Variants in CNOT1 observed in about 807,000 individuals in gnomAD.
CNOT1 encodes CCR4-NOT transcription complex subunit 1.
Under a neutral mutation model 273.8 loss-of-function variants are expected in CNOT1, and 15 were observed. That is an observed-to-expected ratio of 0.05 (90% confidence interval 0.04 to 0.08). The LOEUF (loss-of-function observed/expected upper bound fraction) is 0.08, where lower values mean the gene tolerates loss of function less well. Ranked by LOEUF, CNOT1 falls within the 10% of genes least tolerant of loss-of-function variation. The pLI, the probability that CNOT1 is intolerant of heterozygous loss-of-function variation, is 1.00. For synonymous variants in CNOT1, 1,022 were observed against 1,005.5 expected (o/e 1.02, Z -0.31); for missense variants, 1,644 against 2,912.2 (o/e 0.56, Z 10.02).
intron 1 of CNOT1, among the ~76,000 whole-genome samples, chr16:58,610,308 A>C (rs2042850120): frequency 6.6e-6 from 1 of 152,204 alleles, no homozygotes; most frequent in Non-Finnish European, 1.5e-5. Context: ...AATCCCAGCT[A>C]CTCAGAGAAT....
intron 30 of CNOT1, 43 bp from the exon 31 acceptor site, chr16:58,543,946 A>G (rs1008250864): frequency 1.8e-5 from 28 of 1,534,384 alleles, no homozygotes; most frequent in East Asian, 6.8e-5. Flanking sequence ...TGTTTAAATA[A>G]GACAATCCAA....
At chr16:58,536,819 A>G in intron 39 of CNOT1, 170 bp downstream of exon 39, 1 of 1,157,462 alleles carries the variant, frequency 8.6e-7, no homozygotes, top group Non-Finnish European at 1.2e-6. Context: ...CTTAGTGATC[A>G]ACCATGAGAA....
intron 27 of CNOT1, 78 bp from the exon 28 acceptor site, chr16:58,546,827 A>C (rs897105982): frequency 2.5e-6 from 4 of 1,568,922 alleles, no homozygotes; most frequent in East Asian, 2.3e-5. Context: ...TCAATACAAC[A>C]TAAGGGGGTA....
At chr16:58,555,115 G>A (rs1597450139) in intron 21 of CNOT1, 136 bp downstream of exon 21, 6 of 1,259,152 alleles carry the variant, frequency 4.8e-6, no homozygotes, top group Non-Finnish European at 6.5e-6. Context: ...GGCTGAAGTG[G>A]GAGAATCACT....
intron 16 of CNOT1, 66 bp downstream of exon 16, chr16:58,574,543 C>T (rs1297481360): frequency 1.2e-5 from 18 of 1,450,504 alleles, no homozygotes; most frequent in South Asian, 1.2e-4. Flanking sequence ...CCTCTTCTTC[C>T]GCAAGTCTAC....
At position 58,553,699 on chromosome 16, in the gene CNOT1, TC is replaced by T. The variant is rs1270423310; in HGVS notation, c.2970+82del. 7 of 1,477,858 alleles carry T rather than the reference TC, an allele frequency of 4.7e-6. No individual in the cohort carries two copies. The African/African-American group carries it at 8.7e-5, about 18-fold the overall frequency. The allele number at this position is 1,477,858 out of a possible 1,614,324, so 91.5% of individuals were successfully genotyped here. On this transcript the variant is annotated intron_variant, in intron 22 of 48. Transcript: ENST00000317147. Reference sequence around the variant, plus strand: ...TTAAGAAATCTTAATGCCATTACTATCAAGTCTACAAAAAAAAGCCAAAATA... The same window carrying T: ...TTAAGAAATCTTAATGCCATTACTATAAGTCTACAAAAAAAAGCCAAAATA...
chr16:58,522,090 C>A (rs1318315568), intron 47 of CNOT1, among the ~76,000 whole-genome samples: 2 of 151,774 alleles, frequency 1.3e-5, no homozygotes, highest in African/African-American at 2.4e-5. Flanking sequence ...GAGGCCAAGA[C>A]GGGTGGATCA....
At chr16:58,576,213 C>T (rs1423329019) in intron 14 of CNOT1, among the ~76,000 whole-genome samples, 9 of 151,914 alleles carry the variant, frequency 5.9e-5, no homozygotes, top group African/African-American at 1.7e-4. Context: ...CAGGTTCAAG[C>T]GATTCTCCTG....
chr16:58,575,137 A>T lies in CNOT1; in HGVS notation c.1705-8T>A. Reference sequence around the variant, plus strand: ...TAGCAGCATTGACAAGGCCTAAAGGACAAAGCACATTAGATAATGCAAATG... The same window carrying T: ...TAGCAGCATTGACAAGGCCTAAAGGTCAAAGCACATTAGATAATGCAAATG... On this transcript the variant is annotated splice_polypyrimidine_tract_variant and splice_region_variant and intron_variant, in intron 14 of 48. Coordinates refer to ENST00000317147, the MANE Select transcript of CNOT1 (RefSeq NM_016284.5). 2 of 1,611,552 alleles carry T rather than the reference A, an allele frequency of 1.2e-6. No individual in the cohort carries two copies. Among genetic ancestry groups the T allele is most frequent in the East Asian group, 4.5e-5 (2 of 44,848 alleles).
At chr16:58,609,791 C>T (rs534735807) in intron 1 of CNOT1, among the ~76,000 whole-genome samples, 17 of 151,970 alleles carry the variant, frequency 1.1e-4, no homozygotes, top group Middle Eastern at 6.8e-3. Context: ...TTTTACTATT[C>T]TCATTCCTTC....
chr16:58,543,824 T>C lies in CNOT1; in HGVS notation c.4217A>G (p.His1406Arg). ...AIERAVQELVHPVVDRSIKIA... is the reference protein window; with the variant it reads ...AIERAVQELVRPVVDRSIKIA... Reference sequence around the variant, plus strand: ...CTTAATTGATCGATCCACCACAGGATGGACCAGCTCCTGGACAGCCCGTTC... The same window carrying C: ...CTTAATTGATCGATCCACCACAGGACGGACCAGCTCCTGGACAGCCCGTTC... Residue 1406 changes from histidine (H) to arginine (R), a missense_variant, in exon 31 of 49, where the codon CAT becomes CGT. By Grantham distance (29) the His-to-Arg change is conservative (BLOSUM62 0). Transcript: ENST00000317147. 1 of 1,614,132 alleles carries C rather than the reference T, an allele frequency of 6.2e-7. No individual in the cohort carries two copies. Among genetic ancestry groups the C allele is most frequent in the East Asian group, 2.2e-5 (1 of 44,876 alleles).
intron 46 of CNOT1, among the ~76,000 whole-genome samples, chr16:58,524,551 T>C (rs2039520772): frequency 6.6e-6 from 1 of 152,138 alleles, no homozygotes. Context: ...GCATGCAGCA[T>C]ATATGCAACA....
rs1272034193 is a variant in CNOT1 at position 58,587,522 on chromosome 16, T to C, written c.310-109A>G. Reference sequence around the variant, plus strand: ...GCACTACATAGGAGTTGCTTAATTCTGTAGTGTTACTAGAAACATTACACT... The same window carrying C: ...GCACTACATAGGAGTTGCTTAATTCCGTAGTGTTACTAGAAACATTACACT... On this transcript the variant is annotated intron_variant, in intron 4 of 48. Transcript: ENST00000317147. 10 of 1,452,242 alleles carry C rather than the reference T, an allele frequency of 6.9e-6. No homozygotes were observed. The African/African-American group carries it at 1.1e-4, about 17-fold the overall frequency. 90.0% of individuals were successfully genotyped at this position (1,452,242 alleles called of 1,614,324 possible).
chr16:58,599,070 A>AAAAAT, intron 2 of CNOT1, 166 bp downstream of exon 2: 1 of 729,634 alleles, frequency 1.4e-6, no homozygotes, highest in Non-Finnish European at 2.1e-6. Flanking sequence ...AAAAAAAAAA[A>AAAAAT]GATTGGGCTA....
intron 3 of CNOT1, among the ~76,000 whole-genome samples, 158 bp downstream of exon 3, chr16:58,588,641 C>T (rs999311750): frequency 1.3e-5 from 2 of 151,218 alleles, no homozygotes; most frequent in African/African-American, 2.4e-5. Context: ...GCAGAAGGGA[C>T]GCACAGAAAA....
chr16:58,545,311 T>A, intron 30 of CNOT1, 50 bp downstream of exon 30: 1 of 1,598,178 alleles, frequency 6.3e-7, no homozygotes, highest in African/African-American at 1.3e-5. Context: ...CAAACAAAAT[T>A]TACCTTATCA....
chr16:58,563,101 G>A (rs765145478), intron 16 of CNOT1, among the ~76,000 whole-genome samples: 28 of 152,044 alleles, frequency 1.8e-4, no homozygotes, highest in African/African-American at 5.1e-4. Context: ...AAATAAACGC[G>A]TTGTTTTATG....
chr16:58,618,629 C>T (rs898238878), intron 1 of CNOT1, among the ~76,000 whole-genome samples: 2 of 147,962 alleles, frequency 1.4e-5, no homozygotes, highest in Admixed American at 6.8e-5. Flanking sequence ...CCAGCCTGGG[C>T]GACACAGAGA....
chr16:58,603,309 T>TGCTTGAACGCGGGA (rs1308163964), intron 1 of CNOT1, among the ~76,000 whole-genome samples: 2 of 152,164 alleles, frequency 1.3e-5, no homozygotes, highest in South Asian at 4.1e-4. Context: ...GCAGGAGGAC[T>TGCTTGAACGCGGGA]GCTTGAACGC....
Sources: allele counts gnomAD v4.1 joint callset (sites outside exome capture counted in the v4.1 genomes callset), GRCh38; gene constraint gnomAD v4.1.1; transcripts MANE v1.5; gene names NCBI Gene and HGNC (gene_info 2026-07-23, HGNC 2026-07-21).